Variants in ARHGEF19 observed in about 807,000 individuals in gnomAD.
ARHGEF19 encodes Rho guanine nucleotide exchange factor (GEF) 19.
A neutral mutation model predicts 87.6 loss-of-function variants in ARHGEF19; 92 were observed. That is an observed-to-expected ratio of 1.05 (90% CI 0.89 to 1.25). The LOEUF is 1.25. Ranked by LOEUF, ARHGEF19 falls within the 50% of genes most tolerant of loss-of-function variation. ARHGEF19 has a pLI of 0.00. For missense variants in ARHGEF19, 1,054 were observed against 1,051.8 expected, an observed-to-expected ratio of 1.00 and a Z score of -0.03; for synonymous variants, 438 against 446.2, an observed-to-expected ratio of 0.98 and a Z score of 0.23.
Position 16,206,373 on chromosome 1 carries a change from A to G in ARHGEF19, c.1138-33T>C, listed in dbSNP as rs376693025. On this transcript the variant is annotated intron_variant, in intron 6 of 15. Coordinates refer to ENST00000270747, the MANE Select transcript of ARHGEF19 (RefSeq NM_153213.5). The surrounding 1 kb of genome is among the most constrained non-coding windows in gnomAD (Gnocchi z 4.6). ...AGGGCACACACGGGGTCGAAAGGGC[A>G]GGACCAGTTCACCTCGGAGGCCCTG... 4 of 1,563,516 alleles carry G rather than the reference A, an allele frequency of 2.6e-6. No homozygotes were observed. The African/African-American group carries it at 5.4e-5, about 21-fold the overall frequency.
chr1:16,198,723 AG>A lies in ARHGEF19; in HGVS notation c.2272del (p.Leu758TrpfsTer122). ...TSDGWLEGVRLADGEKGWVPQ... is the reference protein window; with the variant it reads ...TSDGWLEGVRXADGEKGWVPQ... ...CACCCACCCCTTCTCACCATCTGCC[AG>A]GCGGACCCCTTCCAGCCAGCCTAGG... is the stretch of plus-strand genomic sequence containing the variant. On this transcript the variant is annotated frameshift_variant, in exon 16 of 16. Coordinates refer to ENST00000270747, the MANE Select transcript of ARHGEF19 (RefSeq NM_153213.5). LOFTEE classifies it high-confidence loss of function. This position sits in a 1 kb window ranked among gnomAD's most constrained non-coding sequence, Gnocchi z 4.1. 6.2e-7 allele frequency: 1 copy of A among 1,608,856 alleles called. No homozygotes were observed. The highest frequency in any genetic ancestry group is 8.5e-7 in the Non-Finnish European group (1 of 1,177,018).
rs1198530976 is a variant in ARHGEF19, at chr1:16,207,009, G to A, written c.1076C>T (p.Pro359Leu). The change falls in exon 6 of 16, where the codon CCC becomes CTC. Residue 359 changes from proline (P) to leucine (L), a missense_variant. By Grantham distance (98) the Pro-to-Leu change is moderately conservative. Coordinates refer to ENST00000270747, the MANE Select transcript of ARHGEF19 (RefSeq NM_153213.5). The surrounding 1 kb of genome is among the most constrained non-coding windows in gnomAD (Gnocchi z 4.0). ...GSTFSLWQDIPDVRGSGVLAT... is the reference protein window; with the variant it reads ...GSTFSLWQDILDVRGSGVLAT... ...CAGGACGCCGCTGCCGCGTACGTCGGGGATATCCTGCCACAGCGAGAAGGT... is the reference window on the plus strand; with the variant it reads ...CAGGACGCCGCTGCCGCGTACGTCGAGGATATCCTGCCACAGCGAGAAGGT... 4.0e-6 allele frequency: 6 copies of A among 1,517,878 alleles called. No individual in the cohort carries two copies. The East Asian group carries it at 8.2e-5, about 21-fold the overall frequency. 94.0% of individuals were successfully genotyped at this position (1,517,878 alleles called of 1,614,324 possible).
At position 16,198,189 on chromosome 1, in the gene ARHGEF19, C is replaced by T. The variant is rs1296923588; in HGVS notation, c.*398G>A. 2 of 157,546 alleles carry T rather than the reference C, an allele frequency of 1.3e-5. No individual in the cohort carries two copies. Among genetic ancestry groups the T allele is most frequent in the Non-Finnish European group, 2.8e-5 (2 of 71,806 alleles). 9.8% of individuals were successfully genotyped at this position (157,546 alleles called of 1,614,324 possible). A position where few individuals can be genotyped will look rare whatever the true frequency, so the allele number is the denominator to read the frequency against. Reference sequence around the variant, plus strand: ...TGACCAGGGGAGGTGGTAGACAAGACCCCAGATATATATAAATATACATAT... The same window carrying T: ...TGACCAGGGGAGGTGGTAGACAAGATCCCAGATATATATAAATATACATAT... On this transcript the variant is annotated 3_prime_UTR_variant, in exon 16 of 16. Transcript: ENST00000270747. This position sits in a 1 kb window ranked among gnomAD's most constrained non-coding sequence, Gnocchi z 4.1.
intron 12 of ARHGEF19, among the ~76,000 whole-genome samples, chr1:16,203,456 C>G (rs1182339666): frequency 2.0e-5 from 3 of 152,152 alleles, no homozygotes; most frequent in Admixed American, 6.5e-5. Context: ...AGCATCTACC[C>G]TCTCCTGAGC....
At position 16,198,374 on chromosome 1, in the gene ARHGEF19, T is replaced by C. The variant is rs221031; in HGVS notation, c.*213A>G. 0.24 allele frequency: 107,219 copies of C among 446,226 alleles called. 14,094 individuals carry two copies. Among genetic ancestry groups the C allele is most frequent in the Admixed American group, 0.39 (9,647 of 24,986 alleles). The allele number at this position is 446,226 out of a possible 1,614,324, so 27.6% of individuals were successfully genotyped here. ...GTCCCCATGTCAGAGGAAGAAACTATCCTTGGCCTTGAAGTGTGGACACTG... is the reference window on the plus strand; with the variant it reads ...GTCCCCATGTCAGAGGAAGAAACTACCCTTGGCCTTGAAGTGTGGACACTG... On this transcript the variant is annotated 3_prime_UTR_variant, in exon 16 of 16. Coordinates refer to ENST00000270747, the MANE Select transcript of ARHGEF19 (RefSeq NM_153213.5). The surrounding 1 kb of genome is among the most constrained non-coding windows in gnomAD (Gnocchi z 4.1).
Position 16,206,941 on chromosome 1 carries a change from CG to C in ARHGEF19, c.1137+6del, listed in dbSNP as rs2081142786. On this transcript the variant is annotated splice_donor_region_variant and intron_variant, in intron 6 of 15. Transcript: ENST00000270747. The surrounding 1 kb of genome is among the most constrained non-coding windows in gnomAD (Gnocchi z 4.6). ...CCCCGCCCCGCCGGGTCCCCGCGCGCGCCCACCTCCTGCAGCTTGCAGTCCC... is the reference window on the plus strand; with the variant it reads ...CCCCGCCCCGCCGGGTCCCCGCGCGCCCCACCTCCTGCAGCTTGCAGTCCC... 6.9e-7 allele frequency: 1 copy of C among 1,458,624 alleles called. No homozygotes were observed. The highest frequency in any genetic ancestry group is 9.0e-7 in the Non-Finnish European group (1 of 1,114,740). The allele number at this position is 1,458,624 out of a possible 1,614,324, so 90.4% of individuals were successfully genotyped here. A position where few individuals can be genotyped will look rare whatever the true frequency, so the allele number is the denominator to read the frequency against.
At position 16,201,024 on chromosome 1, in the gene ARHGEF19, G is replaced by T. The variant is rs527684698; in HGVS notation, c.2146+758C>A. ...AGTCCAGGAGTTTGAGGCCAGGCTG[G>T]GCAACATAGCAATACCCTATCTCTA... is the stretch of plus-strand genomic sequence containing the variant. On this transcript the variant is annotated intron_variant, in intron 14 of 15. Transcript: ENST00000270747. Among the ~76,000 whole-genome samples the T allele has an allele frequency of 5.9e-5, 9 of 152,228 alleles. No homozygotes were observed. The East Asian group carries it at 1.7e-3, about 29-fold the overall frequency.
chr1:16,208,812 G>T lies in ARHGEF19; in HGVS notation c.243C>A (p.Ser81=). 6.2e-7 allele frequency: 1 copy of T among 1,613,360 alleles called. No homozygotes were observed. Among genetic ancestry groups the T allele is most frequent in the East Asian group, 2.2e-5 (1 of 44,878 alleles). Residue 81 remains serine, a synonymous_variant, in exon 2 of 16, where the codon TCC becomes TCA. Transcript: ENST00000270747. ...TGATCTCTGTATCTGAGCCTCCTGG[G>T]GATAATGGCCATAGCAACCCTTGGA... is the stretch of plus-strand genomic sequence containing the variant. The part of the protein sequence containing the change: ...APLQGLLWPL[S]PGGSDTEITS...
rs2081143540 is a variant in ARHGEF19, at chr1:16,206,984, C to T, written c.1101G>A (p.Leu367=). The change falls in exon 6 of 16, where the codon CTG becomes CTA. Residue 367 remains leucine (L), a synonymous_variant. Coordinates refer to ENST00000270747, the MANE Select transcript of ARHGEF19 (RefSeq NM_153213.5). This position sits in a 1 kb window ranked among gnomAD's most constrained non-coding sequence, Gnocchi z 4.6. ...TGCAGTCCCGCAGGCTCAGCGTGGC[C>T]AGGACGCCGCTGCCGCGTACGTCGG... ...DIPDVRGSGV[L]ATLSLRDCKL... is the part of the protein sequence containing the mutation. 4.6e-6 allele frequency: 7 copies of T among 1,514,290 alleles called. No homozygotes were observed. The highest frequency in any genetic ancestry group is 5.4e-5 in the East Asian group (2 of 36,762). 93.8% of individuals were successfully genotyped at this position (1,514,290 alleles called of 1,614,324 possible).
chr1:16,201,742 G>A (rs1388120929), intron 14 of ARHGEF19, 40 bp downstream of exon 14: 2 of 1,599,392 alleles, frequency 1.3e-6, no homozygotes, highest in Non-Finnish European at 8.5e-7. Flanking sequence ...GCGGGCGAGG[G>A]TCCAGCCCAG....
intron 1 of ARHGEF19, among the ~76,000 whole-genome samples, chr1:16,211,926 G>C (rs2081201383): frequency 6.6e-6 from 1 of 152,200 alleles, no homozygotes. Flanking sequence ...CTCCGCCCAA[G>C]CTTTGAGGCC....
chr1:16,206,965 C>T lies in ARHGEF19; in HGVS notation c.1120G>A (p.Asp374Asn), dbSNP rs1019608401. 19 of 1,504,980 alleles carry T rather than the reference C, an allele frequency of 1.3e-5. No individual in the cohort carries two copies. The highest frequency in any genetic ancestry group is 1.5e-5 in the Non-Finnish European group (17 of 1,132,874). 93.2% of individuals were successfully genotyped at this position (1,504,980 alleles called of 1,614,324 possible). A position where few individuals can be genotyped will look rare whatever the true frequency, so the allele number is the denominator to read the frequency against. Residue 374 changes from aspartate to asparagine, a missense_variant, in exon 6 of 16, where the codon GAC (aspartate) becomes AAC (asparagine). Coordinates refer to ENST00000270747, the MANE Select transcript of ARHGEF19 (RefSeq NM_153213.5). The surrounding 1 kb of genome is among the most constrained non-coding windows in gnomAD (Gnocchi z 4.6). ...GCGCCCACCTCCTGCAGCTTGCAGT[C>T]CCGCAGGCTCAGCGTGGCCAGGACG... Reference protein sequence around the residue: ...SGVLATLSLRDCKLQEAKFEL... With the variant: ...SGVLATLSLRNCKLQEAKFEL...
At position 16,207,671 on chromosome 1, in the gene ARHGEF19, G is replaced by A; in HGVS notation, c.797+4C>T. On this transcript the variant is annotated splice_donor_region_variant and intron_variant, in intron 4 of 15. Coordinates refer to ENST00000270747, the MANE Select transcript of ARHGEF19 (RefSeq NM_153213.5). This position sits in a 1 kb window ranked among gnomAD's most constrained non-coding sequence, Gnocchi z 4.0. ...CGGACCCAAGCCCAAACGGGAGGTG[G>A]TACCTGGGCTCGGACCAATCGCCCT... The A allele has an allele frequency of 3.7e-6, 6 of 1,614,084 alleles. No homozygotes were observed. Among genetic ancestry groups the A allele is most frequent in the Non-Finnish European group, 5.1e-6 (6 of 1,180,018 alleles).
rs767643582 is a variant in ARHGEF19, at chr1:16,198,563, G to A, written c.*24C>T. On this transcript the variant is annotated 3_prime_UTR_variant, in exon 16 of 16. Transcript: ENST00000270747. This position sits in a 1 kb window ranked among gnomAD's most constrained non-coding sequence, Gnocchi z 4.1. ...CCATCCAGGAGCCAGGCATGGAGGT[G>A]GGGTCCTAGGCCATGGCTGCCCATC... 3 of 1,579,564 alleles carry A rather than the reference G, an allele frequency of 1.9e-6. No homozygotes were observed. Among genetic ancestry groups the A allele is most frequent in the African/African-American group, 1.3e-5 (1 of 74,192 alleles).
Position 16,206,446 on chromosome 1 carries a change from C to A in ARHGEF19, c.1138-106G>T, listed in dbSNP as rs1168311597. The A allele has an allele frequency of 2.3e-6, 3 of 1,291,316 alleles. No homozygotes were observed. Among genetic ancestry groups the A allele is most frequent in the Non-Finnish European group, 3.3e-6 (3 of 915,156 alleles). The allele number at this position is 1,291,316 out of a possible 1,614,324, so 80.0% of individuals were successfully genotyped here. ...GACGCCACACCTCGCGTCCTCGCCC[C>A]TTCTCTAGCCCCACTCCTAATCTGG... On this transcript the variant is annotated intron_variant, in intron 6 of 15. Transcript: ENST00000270747. The surrounding 1 kb of genome is among the most constrained non-coding windows in gnomAD (Gnocchi z 4.6).
Position 16,207,216 on chromosome 1 carries a change from G to A in ARHGEF19, c.875-6C>T, listed in dbSNP as rs908658893. ...GTATTCCTGATAGAGGACGGCTGGG[G>A]GAAAGACGGGCGGGGGAGAGCGTGG... On this transcript the variant is annotated splice_polypyrimidine_tract_variant and splice_region_variant and intron_variant, in intron 5 of 15. Transcript: ENST00000270747. This position sits in a 1 kb window ranked among gnomAD's most constrained non-coding sequence, Gnocchi z 4.0. The A allele has an allele frequency of 6.6e-7, 1 of 1,510,974 alleles. No homozygotes were observed. 93.6% of individuals were successfully genotyped at this position (1,510,974 alleles called of 1,614,324 possible).
Position 16,204,850 on chromosome 1 carries a change from G to A in ARHGEF19, c.1816C>T (p.Pro606Ser). ...TTCAGCTTGGCAGGGGGTGCTGCAGGCAGTGGTGCCAGCTCTACCAACTCT... is the reference window on the plus strand; with the variant it reads ...TTCAGCTTGGCAGGGGGTGCTGCAGACAGTGGTGCCAGCTCTACCAACTCT... ...HGELVELAPL[P>S]AAPPAKLKLS... The change falls in exon 12 of 16, where the codon CCT becomes TCT. Residue 606 changes from proline (P) to serine (S), a missense_variant. Coordinates refer to ENST00000270747, the MANE Select transcript of ARHGEF19 (RefSeq NM_153213.5). The A allele has an allele frequency of 3.1e-6, 5 of 1,605,084 alleles. No homozygotes were observed. The highest frequency in any genetic ancestry group is 4.3e-6 in the Non-Finnish European group (5 of 1,175,922).
intron 1 of ARHGEF19, among the ~76,000 whole-genome samples, chr1:16,209,426 C>T (rs1005322657): frequency 1.3e-5 from 2 of 152,144 alleles, no homozygotes; most frequent in Non-Finnish European, 2.9e-5. Flanking sequence ...GCTTTGAAAT[C>T]GATGATTTTA....
Position 16,208,686 on chromosome 1 carries a change from CTG to C in ARHGEF19, c.367_368del (p.Gln123AlafsTer24). 6.2e-7 allele frequency: 1 copy of C among 1,608,124 alleles called. No homozygotes were observed. Among genetic ancestry groups the C allele is most frequent in the South Asian group, 1.1e-5 (1 of 90,470 alleles). On this transcript the variant is annotated frameshift_variant, in exon 2 of 16. Transcript: ENST00000270747. LOFTEE classifies it high-confidence loss of function. ...LEGPWSPRHT[Q>X]PQRRASHGSE... The stretch of plus-strand genomic sequence containing the variant: ...AGCCGTGGCTGGCCCGGCGCTGTGG[CTG>C]TGTGTGTCGGGGACTCCAGGGTCCC...
Sources: allele counts gnomAD v4.1 joint callset (sites outside exome capture counted in the v4.1 genomes callset), GRCh38; gene constraint gnomAD v4.1.1; non-coding constraint Gnocchi (gnomAD v3.1); transcripts MANE v1.5; gene names NCBI Gene and HGNC (gene_info 2026-07-23, HGNC 2026-07-21).